Variants in ZCWPW2 observed in about 807,000 individuals in gnomAD.
ZCWPW2 encodes zinc finger CW-type and PWWP domain containing 2, also known as zinc finger CW-type PWWP domain protein 2.
ZCWPW2 carries 45 observed loss-of-function variants against 46.6 expected under a neutral mutation model. The observed-to-expected ratio is 0.96, with a 90% confidence interval of 0.76 to 1.24. The LOEUF (loss-of-function observed/expected upper bound fraction) is 1.24. Among genes scored for constraint, ZCWPW2 ranks in the 50% most tolerant of loss-of-function variants. ZCWPW2 has a pLI of 0.00. For missense variants in ZCWPW2, 429 were observed against 403.9 expected (o/e 1.06, Z -0.53); for synonymous variants, 152 against 137.1 (o/e 1.11, Z -0.76).
intron 4 of ZCWPW2, among the ~76,000 whole-genome samples, chr3:28,462,388 T>G (rs373309177): frequency 1.3e-5 from 2 of 152,274 alleles, no homozygotes; most frequent in East Asian, 3.9e-4. Context: ...TCGAGGGACT[T>G]GAACAAAAAT....
At chr3:28,427,185 G>A (rs1440646225) in intron 3 of ZCWPW2, among the ~76,000 whole-genome samples, 5 of 152,120 alleles carry the variant, frequency 3.3e-5, no homozygotes, top group African/African-American at 1.2e-4. Context: ...TAAATCTCCT[G>A]ATAATGCTTC....
intron 2 of ZCWPW2, among the ~76,000 whole-genome samples, chr3:28,410,597 G>C (rs1243744136): frequency 7.4e-6 from 1 of 135,552 alleles, no homozygotes; most frequent in African/African-American, 2.8e-5. Flanking sequence ...TTTAAATTAA[G>C]TAACTCGGGT....
Position 28,474,618 on chromosome 3 carries a change from TGTGCGC to T in ZCWPW2, c.493-4194_493-4189del, listed in dbSNP as rs1359152514. ...GTGTGTGTGTGTGTGTGTGTGTGTG[TGTGCGC>T]GCGCGCGCGCGCGCACATGCGCATT... On this transcript the variant is annotated intron_variant, in intron 4 of 9. Transcript: ENST00000383768. Among the ~76,000 whole-genome samples the T allele has an allele frequency of 6.1e-5, 9 of 146,552 alleles. No homozygotes were observed. The South Asian group carries it at 1.1e-3, about 18-fold the overall frequency.
At chr3:28,409,440 C>A (rs2125737271) in intron 2 of ZCWPW2, among the ~76,000 whole-genome samples, 1 of 152,208 alleles carries the variant, frequency 6.6e-6, no homozygotes, top group African/African-American at 2.4e-5. Flanking sequence ...CCCTTTCTCT[C>A]ACTATCCTCA....
At chr3:28,454,650 TCTGA>T (rs1028866188) in intron 4 of ZCWPW2, among the ~76,000 whole-genome samples, 4 of 152,138 alleles carry the variant, frequency 2.6e-5, no homozygotes, top group Non-Finnish European at 5.9e-5. Context: ...TTCCCCACCC[TCTGA>T]CTGGCCCCAG....
intron 5 of ZCWPW2, among the ~76,000 whole-genome samples, chr3:28,479,517 A>AT (rs1448197488): frequency 6.6e-6 from 1 of 152,030 alleles, no homozygotes; most frequent in Non-Finnish European, 1.5e-5. Flanking sequence ...TAGGTTTGAC[A>AT]TTTTTTGTAT....
At chr3:28,358,836 A>ACC (rs113738591) in intron 1 of ZCWPW2, among the ~76,000 whole-genome samples, 42 of 151,040 alleles carry the variant, frequency 2.8e-4, no homozygotes, top group African/African-American at 9.7e-4. Flanking sequence ...ATCTCATTTT[A>ACC]CCCCCCCCAA....
At chr3:28,438,960 A>G (rs561967375) in intron 4 of ZCWPW2, among the ~76,000 whole-genome samples, 22 of 151,960 alleles carry the variant, frequency 1.4e-4, no homozygotes, top group African/African-American at 5.1e-4. Flanking sequence ...AAGGCAGAAC[A>G]ATGGAAATTA....
chr3:28,487,684 G>A (rs1255360624), intron 5 of ZCWPW2, among the ~76,000 whole-genome samples: 1 of 151,996 alleles, frequency 6.6e-6, no homozygotes, highest in Admixed American at 6.6e-5. Context: ...ATTGAAAGGT[G>A]GGCATGATGT....
chr3:28,369,948 C>T (rs910719487), intron 1 of ZCWPW2, among the ~76,000 whole-genome samples: 15 of 152,186 alleles, frequency 9.9e-5, no homozygotes, highest in African/African-American at 3.6e-4. Context: ...GTGTAGGACC[C>T]TCCGAGCCAG....
chr3:28,425,112 G>A (rs1050180023), intron 3 of ZCWPW2, among the ~76,000 whole-genome samples: 34 of 152,062 alleles, frequency 2.2e-4, no homozygotes, highest in African/African-American at 7.0e-4. Context: ...TGTGCTAGTC[G>A]CTGAGGCTTA....
At chr3:28,399,982 A>T (rs921478815) in intron 2 of ZCWPW2, among the ~76,000 whole-genome samples, 4 of 152,216 alleles carry the variant, frequency 2.6e-5, no homozygotes, top group African/African-American at 4.8e-5. Context: ...TAAGCTAATC[A>T]GGGAGTCACC....
chr3:28,513,307 T>G (rs535237999), intron 6 of ZCWPW2, among the ~76,000 whole-genome samples: 52 of 152,342 alleles, frequency 3.4e-4, no homozygotes, highest in Non-Finnish European at 6.6e-4. Context: ...AAGTCCTAGC[T>G]AAGTCTTCGT....
rs146183961 is a variant in ZCWPW2, at chr3:28,381,679, C to T, written c.-133-8819C>T. Among the ~76,000 whole-genome samples the T allele has an allele frequency of 7.2e-4, 109 of 152,172 alleles. 3 individuals carry two copies. The East Asian group carries it at 0.02, about 28-fold the overall frequency. On this transcript the variant is annotated intron_variant, in intron 1 of 9. Coordinates refer to ENST00000383768, the MANE Select transcript of ZCWPW2 (RefSeq NM_001040432.4). The stretch of plus-strand genomic sequence containing the variant: ...GCACACGGCTGTACTCCTAGCTAGT[C>T]AGGAGGCTGAGTGGGAGGATTGCAT...
intron 2 of ZCWPW2, among the ~76,000 whole-genome samples, chr3:28,395,793 C>G (rs1695672083): frequency 6.6e-6 from 1 of 152,038 alleles, no homozygotes; most frequent in East Asian, 1.9e-4. Flanking sequence ...CAAACTTGCA[C>G]TTATAAAATC....
intron 3 of ZCWPW2, among the ~76,000 whole-genome samples, chr3:28,422,744 T>C (rs1423827207): frequency 6.6e-6 from 1 of 152,142 alleles, no homozygotes; most frequent in African/African-American, 2.4e-5. Flanking sequence ...AGGACTGCAA[T>C]TGCTGGACAG....
intron 2 of ZCWPW2, chr3:28,398,354 G>C (rs1695787093): frequency 6.6e-6 from 1 of 152,100 alleles, no homozygotes; most frequent in Non-Finnish European, 1.5e-5. Context: ...TCATCTTGGG[G>C]GTGGGACACA....
At chr3:28,479,475 C>T (rs565239678) in intron 5 of ZCWPW2, among the ~76,000 whole-genome samples, 4 of 151,978 alleles carry the variant, frequency 2.6e-5, no homozygotes, top group African/African-American at 9.7e-5. Flanking sequence ...ATATAGTTAG[C>T]TTTTTAAGTG....
chr3:28,518,135 CAAAA>C (rs35463839), intron 8 of ZCWPW2, among the ~76,000 whole-genome samples: 2 of 75,980 alleles, frequency 2.6e-5, no homozygotes, highest in Middle Eastern at 7.8e-3. Flanking sequence ...GACTCCGTCT[CAAAA>C]AAAAAAAAAA....
Sources: allele counts gnomAD v4.1 joint callset (sites outside exome capture counted in the v4.1 genomes callset), GRCh38; gene constraint gnomAD v4.1.1; transcripts MANE v1.5; gene names NCBI Gene and HGNC (gene_info 2026-07-23, HGNC 2026-07-21).